FHOD3: variants seen among roughly 807,000 people sequenced by gnomAD.
FHOD3 encodes FH1/FH2 domain-containing protein 3.
FHOD3 carries 90 observed loss-of-function variants against 173.0 expected under a neutral mutation model. The ratio of observed to expected loss-of-function variants is 0.52; its 90% CI spans 0.44 to 0.62. The LOEUF (loss-of-function observed/expected upper bound fraction) is 0.62, where lower values mean the gene tolerates loss of function less well. Ranked by LOEUF, FHOD3 falls within the 20% of genes least tolerant of loss-of-function variation. FHOD3 has a pLI of 0.00. For synonymous variants in FHOD3, 828 were observed against 823.0 expected (o/e 1.01, Z -0.10); for missense variants, 1,945 against 2,034.7 (o/e 0.96, Z 0.85).
At chr18:36,317,311 A>G (rs1250208711) in intron 1 of FHOD3, among the ~76,000 whole-genome samples, 1 of 152,188 alleles carries the variant, frequency 6.6e-6, no homozygotes, top group African/African-American at 2.4e-5. Context: ...TGTCTTCCAC[A>G]ATGGTTGAAC....
chr18:36,705,451 A>G (rs2039822163), intron 17 of FHOD3, among the ~76,000 whole-genome samples: 1 of 152,132 alleles, frequency 6.6e-6, no homozygotes, highest in Non-Finnish European at 1.5e-5. Context: ...ATGCCTTCCC[A>G]GGGCACCGTG....
At position 36,678,419 on chromosome 18, in the gene FHOD3, C is replaced by T. The variant is rs1348321980; in HGVS notation, c.1836-3017C>T. 2.0e-5 allele frequency among the ~76,000 whole-genome samples: 3 copies of T among 150,870 alleles called. No individual in the cohort carries two copies. The East Asian group carries it at 5.9e-4, about 30-fold the overall frequency. ...GGGCATGATGGTGCATGCCTGTGGT[C>T]CCAGCTATTCAGGAGGCTGAGGTGG... On this transcript the variant is annotated intron_variant, in intron 14 of 28. Coordinates refer to ENST00000590592, the MANE Select transcript of FHOD3 (RefSeq NM_001281740.3).
At chr18:36,541,304 C>A (rs1433290451) in intron 5 of FHOD3, among the ~76,000 whole-genome samples, 1 of 149,316 alleles carries the variant, frequency 6.7e-6, no homozygotes, top group Non-Finnish European at 1.5e-5. Flanking sequence ...GTTGGCAGGG[C>A]GTGGTGCCTC....
At chr18:36,634,068 G>A (rs1229281347) in intron 10 of FHOD3, among the ~76,000 whole-genome samples, 3 of 152,178 alleles carry the variant, frequency 2.0e-5, no homozygotes, top group Admixed American at 1.3e-4. Flanking sequence ...ATCAATTATC[G>A]TGAGGCTGTG....
chr18:36,320,558 A>G (rs1214908388), intron 1 of FHOD3, among the ~76,000 whole-genome samples: 1 of 152,232 alleles, frequency 6.6e-6, no homozygotes, highest in Non-Finnish European at 1.5e-5. Context: ...CAGAGTAAAA[A>G]GAGGAGCTGG....
intron 6 of FHOD3, among the ~76,000 whole-genome samples, chr18:36,577,667 TA>T (rs1322594807): frequency 3.9e-5 from 6 of 152,210 alleles, no homozygotes; most frequent in Non-Finnish European, 5.9e-5. Context: ...GTAAGTAATA[TA>T]ATTCCCATTT....
intron 3 of FHOD3, among the ~76,000 whole-genome samples, chr18:36,411,493 TAAGAC>T (rs768666129): frequency 2.4e-4 from 36 of 152,248 alleles, no homozygotes; most frequent in Non-Finnish European, 4.9e-4. Flanking sequence ...TTCTGGCTCT[TAAGAC>T]AATAAAATCT....
Position 36,746,934 on chromosome 18 carries a change from C to CT in FHOD3, c.4042-10dup. 1 of 1,596,736 alleles carries CT rather than the reference C, an allele frequency of 6.3e-7. No homozygotes were observed. Among genetic ancestry groups the CT allele is most frequent in the Non-Finnish European group, 8.5e-7 (1 of 1,171,774 alleles). On this transcript the variant is annotated splice_polypyrimidine_tract_variant and intron_variant, in intron 23 of 28. Transcript: ENST00000590592. ...TTTCAGTGTTTGCAGTGTTCTCGCTCTGATTTTCAGGTTGACTTTGATCAA... is the reference window on the plus strand; with the variant it reads ...TTTCAGTGTTTGCAGTGTTCTCGCTCTTGATTTTCAGGTTGACTTTGATCAA...
chr18:36,385,363 GT>G (rs1568202645), intron 3 of FHOD3, among the ~76,000 whole-genome samples: 1 of 152,054 alleles, frequency 6.6e-6, no homozygotes, highest in Non-Finnish European at 1.5e-5. Flanking sequence ...GCTGGCATTG[GT>G]GTTGTTTTTA....
At chr18:36,397,274 G>A (rs921136218) in intron 3 of FHOD3, among the ~76,000 whole-genome samples, 4 of 152,206 alleles carry the variant, frequency 2.6e-5, no homozygotes, top group African/African-American at 9.7e-5. Flanking sequence ...TCTGTCAGAT[G>A]TCTCATTGTT....
chr18:36,319,680 A>G (rs950868013), intron 1 of FHOD3, among the ~76,000 whole-genome samples: 2 of 152,214 alleles, frequency 1.3e-5, no homozygotes, highest in African/African-American at 2.4e-5. Context: ...TCAACAGAAT[A>G]TACATTCTTT....
intron 5 of FHOD3, among the ~76,000 whole-genome samples, chr18:36,519,825 A>T (rs1004716932): frequency 6.6e-6 from 1 of 152,080 alleles, no homozygotes; most frequent in Non-Finnish European, 1.5e-5. Flanking sequence ...TTCTAACTCT[A>T]CCTAAGCACT....
At chr18:36,536,366 G>A (rs936071248) in intron 5 of FHOD3, among the ~76,000 whole-genome samples, 1 of 152,180 alleles carries the variant, frequency 6.6e-6, no homozygotes, top group East Asian at 1.9e-4. Flanking sequence ...CCATTGCTCT[G>A]TGTATTTGAG....
chr18:36,557,504 A>C (rs942317627), intron 5 of FHOD3, among the ~76,000 whole-genome samples: 1 of 152,114 alleles, frequency 6.6e-6, no homozygotes, highest in Admixed American at 6.6e-5. Flanking sequence ...TGTCTTTACT[A>C]TCTTTCATGT....
chr18:36,358,440 A>G (rs1489146056), intron 2 of FHOD3, among the ~76,000 whole-genome samples: 1 of 152,206 alleles, frequency 6.6e-6, no homozygotes, highest in Non-Finnish European at 1.5e-5. Context: ...TAAACTCCCC[A>G]GAGTAGATCC....
intron 5 of FHOD3, among the ~76,000 whole-genome samples, chr18:36,555,590 G>T (rs374688817): frequency 6.6e-6 from 1 of 152,020 alleles, no homozygotes; most frequent in South Asian, 2.1e-4. Flanking sequence ...CTTATTTTCT[G>T]TCTCCTTTCA....
intron 5 of FHOD3, among the ~76,000 whole-genome samples, chr18:36,538,478 A>G (rs1457771520): frequency 6.6e-6 from 1 of 152,232 alleles, no homozygotes; most frequent in Non-Finnish European, 1.5e-5. Flanking sequence ...ATATTTTGGG[A>G]TAGGGTATAT....
At position 36,629,574 on chromosome 18, in the gene FHOD3, T is replaced by A. The variant is rs188791522; in HGVS notation, c.1196+3825T>A. On this transcript the variant is annotated intron_variant, in intron 10 of 28. Coordinates refer to ENST00000590592, the MANE Select transcript of FHOD3 (RefSeq NM_001281740.3). ...GCATATGAGAGAAGAATCCACTGTGTTATGTGTGAGGGCTATGGGGAACAG... is the reference window on the plus strand; with the variant it reads ...GCATATGAGAGAAGAATCCACTGTGATATGTGTGAGGGCTATGGGGAACAG... 2.0e-5 allele frequency among the ~76,000 whole-genome samples: 3 copies of A among 152,280 alleles called. No homozygotes were observed. In the East Asian group the frequency reaches 5.8e-4, roughly 29 times the overall value.
chr18:36,321,195 A>G (rs1377709941), intron 1 of FHOD3, among the ~76,000 whole-genome samples: 1 of 151,984 alleles, frequency 6.6e-6, no homozygotes, highest in Non-Finnish European at 1.5e-5. Context: ...TCTTCTGGTG[A>G]CAGTGATTGT....
Sources: gnomAD v4.1 joint callset for allele counts (sites outside exome capture counted in the v4.1 genomes callset) on GRCh38, gnomAD v4.1.1 for gene constraint, MANE v1.5 for transcripts, NCBI Gene and HGNC (gene_info 2026-07-23, HGNC 2026-07-21) for gene names.